Variants in PRH1 observed in about 807,000 individuals in gnomAD.
The protein encoded by PRH1 is proline rich protein HaeIII subfamily 1.
In PRH1, 7 loss-of-function variants were observed where a neutral mutation model predicts 7.9. The ratio of observed to expected loss-of-function variants is 0.89; its 90% CI spans 0.50 to 1.67. The LOEUF (loss-of-function observed/expected upper bound fraction) is 1.67. Ranked by LOEUF, PRH1 falls within the 40% of genes most tolerant of loss-of-function variation. PRH1 has a pLI of 0.00. For synonymous variants in PRH1, 45 were observed against 80.8 expected (o/e 0.56, Z 2.38); for missense variants, 109 against 223.6 (o/e 0.49, Z 3.27).
At chr12:11,109,805 C>G (rs945956405) in intron 1 of PRH1, among the ~76,000 whole-genome samples, 1 of 152,072 alleles carries the variant, frequency 6.6e-6, no homozygotes, top group South Asian at 2.1e-4. Flanking sequence ...GGGAACAAAA[C>G]TGGACAGAGA....
At chr12:10,922,488 C>T (rs1950059689) in intron 2 of PRH1, among the ~76,000 whole-genome samples, 1 of 152,168 alleles carries the variant, frequency 6.6e-6, no homozygotes, top group Admixed American at 6.5e-5. Context: ...TTACATTCTA[C>T]GTAATACTTA....
At chr12:11,159,545 G>A (rs1390486219) in intron 1 of PRH1, 1 of 152,552 alleles carries the variant, frequency 6.6e-6, no homozygotes, top group Non-Finnish European at 1.5e-5. Flanking sequence ...CTATAGCCAA[G>A]CTGGTGAGGA....
At chr12:10,993,662 T>C (rs1014731796) in intron 1 of PRH1, among the ~76,000 whole-genome samples, 1 of 152,186 alleles carries the variant, frequency 6.6e-6, no homozygotes, top group African/African-American at 2.4e-5. Flanking sequence ...GTATTCCACA[T>C]TTGAGGATAC....
intron 1 of PRH1, among the ~76,000 whole-genome samples, chr12:11,149,332 T>C (rs1946984406): frequency 6.6e-6 from 1 of 152,206 alleles, no homozygotes; most frequent in African/African-American, 2.4e-5. Flanking sequence ...CTGCTAGCTT[T>C]TGAATGTGTT....
chr12:11,094,968 C>T (rs1398653596), intron 1 of PRH1, among the ~76,000 whole-genome samples: 5 of 68,090 alleles, frequency 7.3e-5, no homozygotes, highest in African/African-American at 1.9e-4. Context: ...CATACTTTAC[C>T]AACTAGGTAT....
rs1356400739 is a variant in PRH1, at chr12:11,075,465, A to C, written n.124-28277T>G. Among the ~76,000 whole-genome samples, 2 of 112,700 alleles carry C rather than the reference A, an allele frequency of 1.8e-5. 1 individual carries two copies. Among genetic ancestry groups the C allele is most frequent in the African/African-American group, 6.0e-5 (2 of 33,444 alleles). 73.9% of individuals were successfully genotyped at this position (112,700 alleles called of 152,430 possible). A position where few individuals can be genotyped will look rare whatever the true frequency, so the allele number is the denominator to read the frequency against. Reference sequence around the variant, plus strand: ...GCAGCATAAGTCATACTGAGGGAGAAAGAGATGTTCCCTAAAAACAAGAGT... The same window carrying C: ...GCAGCATAAGTCATACTGAGGGAGACAGAGATGTTCCCTAAAAACAAGAGT... On this transcript the variant is annotated intron_variant and non_coding_transcript_variant, in intron 1 of 4. Coordinates refer to the PRH1 transcript ENST00000541977.
chr12:10,911,362 G>C (rs1949896790), intron 2 of PRH1, among the ~76,000 whole-genome samples: 1 of 152,052 alleles, frequency 6.6e-6, no homozygotes, highest in Non-Finnish European at 1.5e-5. Context: ...GCATTTTCCT[G>C]GTGTGTTTCC....
intron 1 of PRH1, among the ~76,000 whole-genome samples, chr12:11,033,346 G>T (rs529897962): frequency 2.0e-5 from 3 of 150,868 alleles, no homozygotes; most frequent in Admixed American, 2.0e-4. Flanking sequence ...CAGCCTGGGC[G>T]ACACAGCAAG....
At chr12:10,996,989 T>C (rs771620307) in intron 1 of PRH1, 5 of 1,613,558 alleles carry the variant, frequency 3.1e-6, no homozygotes, top group African/African-American at 2.7e-5. Flanking sequence ...GCAAGTCACC[T>C]GCCACAAAAC....
chr12:11,003,799 T>A (rs1171852170), intron 1 of PRH1, among the ~76,000 whole-genome samples: 1 of 152,062 alleles, frequency 6.6e-6, no homozygotes, highest in Non-Finnish European at 1.5e-5. Context: ...ATTATATCTG[T>A]ATATATTACT....
At chr12:11,167,545 C>T (rs956642273) in intron 1 of PRH1, among the ~76,000 whole-genome samples, 1 of 151,558 alleles carries the variant, frequency 6.6e-6, no homozygotes, top group African/African-American at 2.4e-5. Flanking sequence ...CCTGGGTTCA[C>T]ACCATTCTCC....
At chr12:11,171,119 C>T (rs1947822565) in intron 1 of PRH1, 2 of 390,900 alleles carry the variant, frequency 5.1e-6, no homozygotes. Context: ...AGCCACCTAC[C>T]ATCAGTTGAG....
chr12:10,975,029 G>T (rs569806196), intron 1 of PRH1, among the ~76,000 whole-genome samples: 1 of 152,284 alleles, frequency 6.6e-6, no homozygotes, highest in East Asian at 1.9e-4. Flanking sequence ...GCATAATTGA[G>T]CAAGCTGGGG....
intron 1 of PRH1, among the ~76,000 whole-genome samples, chr12:10,975,515 A>C (rs1388739968): frequency 1.3e-5 from 2 of 152,186 alleles, no homozygotes; most frequent in African/African-American, 4.8e-5. Context: ...CACACAACCC[A>C]ATCTGCATAA....
At chr12:10,985,045 T>C (rs2135978842) in intron 1 of PRH1, among the ~76,000 whole-genome samples, 1 of 150,940 alleles carries the variant, frequency 6.6e-6, no homozygotes, top group East Asian at 2.0e-4. Flanking sequence ...AGGAGATCAT[T>C]GGCAATTCAG....
At chr12:11,050,505 T>C (rs368099536), upstream of PRH1, among the ~76,000 whole-genome samples, 2 of 152,322 alleles carry the variant, frequency 1.3e-5, no homozygotes, top group Non-Finnish European at 2.9e-5. Flanking sequence ...ATCACGAACA[T>C]GTCACAGTGC....
At chr12:10,929,186 T>C (rs576025721) in intron 2 of PRH1, 568 of 1,585,556 alleles carry the variant, frequency 3.6e-4, no homozygotes, top group Admixed American at 1.3e-3. Flanking sequence ...GGAGCTCAAA[T>C]GCGCCATTGT....
chr12:11,133,901 T>A (rs1375119931), intron 1 of PRH1: 1 of 1,614,010 alleles, frequency 6.2e-7, no homozygotes, highest in East Asian at 2.2e-5. Context: ...AAAAATAAGG[T>A]TGGAGAAATT....
intron 1 of PRH1, among the ~76,000 whole-genome samples, chr12:11,168,438 A>G (rs1947706453): frequency 6.6e-6 from 1 of 151,152 alleles, no homozygotes; most frequent in African/African-American, 2.4e-5. Context: ...AAAGAAAAGA[A>G]AAAAGAAAGA....
Sources: allele counts gnomAD v4.1 joint callset (sites outside exome capture counted in the v4.1 genomes callset), GRCh38; gene constraint gnomAD v4.1.1; transcripts MANE v1.5; gene names NCBI Gene and HGNC (gene_info 2026-07-23, HGNC 2026-07-21).